Variants in NRDC observed in about 807,000 individuals in gnomAD.
NRDC encodes the protein nardilysin convertase.
A neutral mutation model predicts 147.1 loss-of-function variants in NRDC; 54 were observed. The ratio of observed to expected loss-of-function variants is 0.37; its 90% CI spans 0.29 to 0.46. The LOEUF is 0.46. Ranked by LOEUF, NRDC falls within the 20% of genes least tolerant of loss-of-function variation. NRDC has a pLI of 1.00. For missense variants in NRDC, 1,082 were observed against 1,370.6 expected (o/e 0.79, Z 3.33); for synonymous variants, 440 against 482.1 (o/e 0.91, Z 1.14).
At chr1:51,837,486 C>G (rs1234317733) in intron 2 of NRDC, 11 of 1,580,318 alleles carry the variant, frequency 7.0e-6, no homozygotes, top group Non-Finnish European at 9.5e-6. Context: ...AGGTGCCTAA[C>G]CTGCTTTCAG....
chr1:51,875,495 T>C (rs1049276366), intron 1 of NRDC, among the ~76,000 whole-genome samples: 1 of 152,228 alleles, frequency 6.6e-6, no homozygotes, highest in African/African-American at 2.4e-5. Flanking sequence ...TATCAATGTA[T>C]TTCATTCCTC....
At chr1:51,792,259 C>CT in intron 25 of NRDC, 118 bp downstream of exon 25, 1 of 1,342,070 alleles carries the variant, frequency 7.5e-7, no homozygotes, top group Admixed American at 1.7e-5. Flanking sequence ...AAATGACCAT[C>CT]TCACCTTCAA....
intron 15 of NRDC, among the ~76,000 whole-genome samples, chr1:51,811,118 C>A (rs1679694306): frequency 6.6e-6 from 1 of 152,192 alleles, no homozygotes; most frequent in African/African-American, 2.4e-5. Flanking sequence ...GAAAAAAACA[C>A]AACCAGCCAC....
chr1:51,829,981 T>C (rs77303261), intron 4 of NRDC, among the ~76,000 whole-genome samples: 1 of 149,426 alleles, frequency 6.7e-6, no homozygotes, highest in Non-Finnish European at 1.5e-5. Context: ...TTTTTTTTTT[T>C]TGTGACAGAG....
intron 22 of NRDC, 123 bp from the exon 23 acceptor site, chr1:51,794,977 T>A: frequency 6.5e-7 from 1 of 1,548,442 alleles, no homozygotes; most frequent in Non-Finnish European, 8.7e-7. Flanking sequence ...GCAGATATAG[T>A]TGGTGACCTA....
intron 1 of NRDC, among the ~76,000 whole-genome samples, chr1:51,851,427 C>T (rs980953445): frequency 2.0e-5 from 3 of 151,542 alleles, no homozygotes; most frequent in African/African-American, 7.3e-5. Flanking sequence ...GGTTTTGCGA[C>T]AAACCTTTAA....
intron 1 of NRDC, among the ~76,000 whole-genome samples, chr1:51,848,170 T>C (rs1053824733): frequency 6.6e-6 from 1 of 152,102 alleles, no homozygotes; most frequent in African/African-American, 2.4e-5. Flanking sequence ...AGATGCAAAA[T>C]GTATATAAAT....
intron 22 of NRDC, chr1:51,797,937 A>T: frequency 4.5e-6 from 1 of 223,766 alleles, no homozygotes; most frequent in Non-Finnish European, 8.9e-6. Context: ...TGCCTGGCTA[A>T]TTTTTTATTT....
chr1:51,806,974 T>C, intron 17 of NRDC, 61 bp from the exon 18 acceptor site: 1 of 1,573,120 alleles, frequency 6.4e-7, no homozygotes, highest in Non-Finnish European at 8.6e-7. Flanking sequence ...CAGTAATCTG[T>C]TATTGGCTTC....
intron 1 of NRDC, among the ~76,000 whole-genome samples, chr1:51,864,009 A>G (rs1682680142): frequency 6.6e-6 from 1 of 152,228 alleles, no homozygotes; most frequent in South Asian, 2.1e-4. Context: ...GGGGAAAATC[A>G]TCCAACACAA....
At chr1:51,798,154 G>T in intron 22 of NRDC, 95 bp downstream of exon 22, 1 of 1,297,404 alleles carries the variant, frequency 7.7e-7, no homozygotes, top group Non-Finnish European at 1.1e-6. Flanking sequence ...ATGCTGGCCT[G>T]CCAAAACTAC....
chr1:51,814,490 G>T, intron 13 of NRDC, 61 bp downstream of exon 13: 2 of 1,514,096 alleles, frequency 1.3e-6, no homozygotes, highest in Non-Finnish European at 1.8e-6. Context: ...TCTACCGGCA[G>T]CCTGAAGCCT....
At position 51,789,910 on chromosome 1, in the gene NRDC, A is replaced by G. The variant is rs1200818034; in HGVS notation, c.3169-253T>C. 7 of 478,964 alleles carry G rather than the reference A, an allele frequency of 1.5e-5. No individual in the cohort carries two copies. In the Admixed American group the frequency reaches 2.5e-4, roughly 17 times the overall value. The allele number at this position is 478,964 out of a possible 1,614,324, so 29.7% of individuals were successfully genotyped here. A position where few individuals can be genotyped will look rare whatever the true frequency, so the allele number is the denominator to read the frequency against. ...CTATAATTACAGCTAAATACCATACACTGAGCCCAACACCCACATCCCCTT... is the reference window on the plus strand; with the variant it reads ...CTATAATTACAGCTAAATACCATACGCTGAGCCCAACACCCACATCCCCTT... On this transcript the variant is annotated intron_variant, in intron 29 of 30. Coordinates refer to ENST00000352171, the MANE Select transcript of NRDC (RefSeq NM_001101662.2).
chr1:51,799,486 CTTCT>C (rs1225693776), intron 21 of NRDC, among the ~76,000 whole-genome samples: 4 of 152,092 alleles, frequency 2.6e-5, no homozygotes, highest in African/African-American at 9.7e-5. Flanking sequence ...TTCCTAACCC[CTTCT>C]TTCTAATTCT....
At chr1:51,872,372 T>C (rs1271466343) in intron 1 of NRDC, among the ~76,000 whole-genome samples, 1 of 152,036 alleles carries the variant, frequency 6.6e-6, no homozygotes, top group African/African-American at 2.4e-5. Flanking sequence ...AGAAACAATA[T>C]ACACTCTTTC....
chr1:51,850,930 T>C (rs1481169566), intron 1 of NRDC, among the ~76,000 whole-genome samples: 2 of 152,286 alleles, frequency 1.3e-5, no homozygotes, highest in African/African-American at 2.4e-5. Flanking sequence ...TCTGGCCTTA[T>C]TGGACTGGGT....
intron 2 of NRDC, chr1:51,836,524 A>G (rs1359705157): frequency 1.6e-6 from 2 of 1,217,712 alleles, no homozygotes; most frequent in Non-Finnish European, 2.4e-6. Flanking sequence ...TCAGCATTTC[A>G]TAATTCTGAA....
intron 5 of NRDC, among the ~76,000 whole-genome samples, 169 bp downstream of exon 5, chr1:51,827,627 A>G (rs1680503887): frequency 6.6e-6 from 1 of 152,222 alleles, no homozygotes; most frequent in South Asian, 2.1e-4. Context: ...CTTCAAATCT[A>G]CACTGAATTA....
Position 51,798,341 on chromosome 1 carries a change from C to A in NRDC, c.2512G>T (p.Gly838Cys). 1 of 1,613,922 alleles carries A rather than the reference C, an allele frequency of 6.2e-7. No individual in the cohort carries two copies. Among genetic ancestry groups the A allele is most frequent in the Non-Finnish European group, 8.5e-7 (1 of 1,179,878 alleles). Residue 838 changes from glycine to cysteine, a missense_variant, in exon 22 of 31, where the codon GGC becomes TGC. Gly to Cys is a radical substitution (Grantham distance 159, BLOSUM62 -3). Transcript: ENST00000352171. The stretch of plus-strand genomic sequence containing the variant: ...CTCAGCAGAGACTCAAGGGAAAGGC[C>A]GTCCATCAAAGCCTGGTACTTGTCA... ...MIDKYQALMD[G>C]LSLESLLSFV...
Sources: gnomAD v4.1 joint callset for allele counts (sites outside exome capture counted in the v4.1 genomes callset) on GRCh38, gnomAD v4.1.1 for gene constraint, MANE v1.5 for transcripts, NCBI Gene and HGNC (gene_info 2026-07-23, HGNC 2026-07-21) for gene names.